The following SNX29 variants were observed in gnomAD, a reference collection of about 807,000 sequenced individuals.
The protein encoded by SNX29 is sorting nexin-29.
A neutral mutation model predicts 102.1 loss-of-function variants in SNX29; 78 were observed. That is an observed-to-expected ratio of 0.76 (90% CI 0.64 to 0.92). The LOEUF is 0.92. Ranked by LOEUF, SNX29 falls within the 40% of genes least tolerant of loss-of-function variation. The probability of loss-of-function intolerance (pLI) is 0.00; values close to 1 mark genes in which losing one functional copy is unlikely to be tolerated. For missense variants in SNX29, 1,280 were observed against 1,061.7 expected, an observed-to-expected ratio of 1.21 and a Z score of -2.86; for synonymous variants, 580 against 414.5, an observed-to-expected ratio of 1.40 and a Z score of -4.85.
intron 18 of SNX29, among the ~76,000 whole-genome samples, chr16:12,421,433 T>A (rs1278154607): frequency 1.3e-5 from 2 of 152,190 alleles, no homozygotes; most frequent in Non-Finnish European, 2.9e-5. Context: ...TGACCATGAA[T>A]ACTTAAAAGC....
chr16:12,104,941 G>A (rs1214947910), intron 11 of SNX29, among the ~76,000 whole-genome samples: 1 of 152,244 alleles, frequency 6.6e-6, no homozygotes, highest in African/African-American at 2.4e-5. Context: ...CTGAATGTCT[G>A]CTGGGAATGG....
At chr16:12,467,870 A>G (rs1340041445) in intron 18 of SNX29, among the ~76,000 whole-genome samples, 4 of 152,170 alleles carry the variant, frequency 2.6e-5, no homozygotes, top group African/African-American at 9.7e-5. Flanking sequence ...GTTGAGCCAG[A>G]AACCTCACGG....
intron 1 of SNX29, among the ~76,000 whole-genome samples, chr16:11,994,946 G>T (rs937058092): frequency 2.6e-5 from 4 of 152,166 alleles, no homozygotes; most frequent in African/African-American, 9.7e-5. Flanking sequence ...TAGCAAGCAG[G>T]CCAGGCAGGA....
intron 20 of SNX29, among the ~76,000 whole-genome samples, chr16:12,565,086 G>A (rs1407225401): frequency 1.3e-5 from 2 of 152,042 alleles, no homozygotes; most frequent in Admixed American, 6.5e-5. Flanking sequence ...GGACACATGG[G>A]GTCGTCTTCT....
chr16:12,551,846 G>A (rs2077996620), intron 20 of SNX29, among the ~76,000 whole-genome samples: 1 of 152,150 alleles, frequency 6.6e-6, no homozygotes, highest in African/African-American at 2.4e-5. Flanking sequence ...TGCTGCTGGG[G>A]ACACAGGAGC....
intron 16 of SNX29, among the ~76,000 whole-genome samples, chr16:12,390,719 G>A (rs1241701743): frequency 6.6e-6 from 1 of 151,922 alleles, no homozygotes; most frequent in Admixed American, 6.6e-5. Flanking sequence ...GATGGTTCTT[G>A]CAGGATCCTA....
At chr16:12,347,818 C>T (rs2081861200) in intron 15 of SNX29, among the ~76,000 whole-genome samples, 1 of 151,182 alleles carries the variant, frequency 6.6e-6, no homozygotes, top group African/African-American at 2.4e-5. Flanking sequence ...TGGGTCATGC[C>T]TATAATCGTA....
intron 1 of SNX29, among the ~76,000 whole-genome samples, chr16:11,996,996 G>C (rs1444099801): frequency 6.6e-6 from 1 of 152,152 alleles, no homozygotes; most frequent in East Asian, 1.9e-4. Flanking sequence ...TACCAGGCCT[G>C]GGGGTAAGGC....
intron 20 of SNX29, among the ~76,000 whole-genome samples, chr16:12,559,322 C>A (rs542724389): frequency 6.1e-4 from 92 of 151,950 alleles, no homozygotes; most frequent in Middle Eastern, 3.4e-3. Context: ...GTGAACTGCC[C>A]ATGTGAGGGA....
chr16:12,402,872 C>G (rs2084001992), intron 17 of SNX29, among the ~76,000 whole-genome samples: 1 of 152,132 alleles, frequency 6.6e-6, no homozygotes, highest in African/African-American at 2.4e-5. Flanking sequence ...TTGTCATTTT[C>G]TCTGGTCCCT....
chr16:12,196,112 A>C (rs1236958224), intron 13 of SNX29, among the ~76,000 whole-genome samples: 1 of 150,874 alleles, frequency 6.6e-6, no homozygotes, highest in African/African-American at 2.4e-5. Flanking sequence ...AGTAGATGGG[A>C]CAACAGGTGC....
In SNX29 at chr16:12,567,963, T is replaced by G. The variant is rs59798429; in HGVS notation, c.2319-543T>G. On this transcript the variant is annotated intron_variant, in intron 20 of 20. Transcript: ENST00000566228. ...TTCAGAACCAGGATCAGTGTCCCCC[T>G]CTTGGTGTTATCTTCCACTGTTCCT... Among the ~76,000 whole-genome samples, 273 of 152,246 alleles carry G rather than the reference T, an allele frequency of 1.8e-3. 2 individuals are homozygous for G. The highest frequency in any genetic ancestry group is 6.3e-3 in the African/African-American group (260 of 41,530).
At chr16:12,289,694 T>TAGATAA (rs2079728334) in intron 15 of SNX29, among the ~76,000 whole-genome samples, 1 of 152,198 alleles carries the variant, frequency 6.6e-6, no homozygotes, top group South Asian at 2.1e-4. Flanking sequence ...TTTTGGGCGA[T>TAGATAA]AGATAAAAAT....
chr16:12,182,637 A>G (rs1456168417), intron 13 of SNX29, among the ~76,000 whole-genome samples: 1 of 152,186 alleles, frequency 6.6e-6, no homozygotes, highest in Non-Finnish European at 1.5e-5. Flanking sequence ...AATGGGACAT[A>G]GAAATGTCAT....
chr16:12,362,800 C>T (rs113875739), intron 16 of SNX29, among the ~76,000 whole-genome samples: 1 of 152,116 alleles, frequency 6.6e-6, no homozygotes, highest in Non-Finnish European at 1.5e-5. Context: ...GTCTTAATGT[C>T]ATGTTACATT....
intron 3 of SNX29, among the ~76,000 whole-genome samples, chr16:12,010,419 C>G (rs1299651816): frequency 6.6e-6 from 1 of 152,054 alleles, no homozygotes; most frequent in East Asian, 1.9e-4. Flanking sequence ...CCCAGGAGTT[C>G]GAGACCAGCC....
At chr16:12,329,209 C>T (rs142448591) in intron 15 of SNX29, among the ~76,000 whole-genome samples, 2,847 of 137,730 alleles carry the variant, frequency 0.021, 42 homozygotes, top group Middle Eastern at 0.081. Context: ...CCCAGGAGTT[C>T]AAGGCTGCAG....
At chr16:12,560,819 C>A (rs1384073641) in intron 20 of SNX29, 1 of 179,608 alleles carries the variant, frequency 5.6e-6, no homozygotes, top group East Asian at 9.2e-5. Flanking sequence ...AATTACAGCA[C>A]CCATTTCACA....
chr16:12,310,244 C>T (rs1156851961), intron 15 of SNX29, among the ~76,000 whole-genome samples: 7 of 152,192 alleles, frequency 4.6e-5, no homozygotes, highest in Admixed American at 1.3e-4. Context: ...CGAAATGCTA[C>T]TTGACCCTGA....
Sources: gnomAD v4.1 joint callset for allele counts (sites outside exome capture counted in the v4.1 genomes callset) on GRCh38, gnomAD v4.1.1 for gene constraint, MANE v1.5 for transcripts, NCBI Gene and HGNC (gene_info 2026-07-23, HGNC 2026-07-21) for gene names.